The following TEX35 variants were observed in gnomAD, a reference collection of about 807,000 sequenced individuals.
TEX35 encodes the protein testis-expressed protein 35.
In TEX35, 26 loss-of-function variants were observed where a neutral mutation model predicts 31.9. The ratio of observed to expected loss-of-function variants is 0.81; its 90% CI spans 0.60 to 1.13. The LOEUF (loss-of-function observed/expected upper bound fraction) is 1.13, where lower values mean the gene tolerates loss of function less well. Among genes scored for constraint, TEX35 ranks in the 50% most tolerant of loss-of-function variants. TEX35 has a pLI of 0.00. For synonymous variants in TEX35, 87 were observed against 90.7 expected, an observed-to-expected ratio of 0.96 and a Z score of 0.23; for missense variants, 278 against 273.5, an observed-to-expected ratio of 1.02 and a Z score of -0.12.
In TEX35 at chr1:178,514,684, C is replaced by G; in HGVS notation, c.91-16C>G. 6.2e-7 allele frequency: 1 copy of G among 1,613,008 alleles called. No individual in the cohort carries two copies. The highest frequency in any genetic ancestry group is 8.5e-7 in the Non-Finnish European group (1 of 1,179,296). The stretch of plus-strand genomic sequence containing the variant: ...CTGCAATTCCCAAAGGTCTGTGTTC[C>G]TGTTTCAATCCACAGACATTTGATT... On this transcript the variant is annotated splice_polypyrimidine_tract_variant and intron_variant, in intron 2 of 8. Coordinates refer to ENST00000319416, the MANE Select transcript of TEX35 (RefSeq NM_032126.5).
At chr1:178,513,854 T>C (rs1484361584) in intron 1 of TEX35, among the ~76,000 whole-genome samples, 173 bp from the exon 2 acceptor site, 1 of 152,162 alleles carries the variant, frequency 6.6e-6, no homozygotes, top group East Asian at 1.9e-4. Context: ...TGTGATTTGT[T>C]AGGAATCGGA....
downstream of TEX35, chr1:178,522,778 G>A: frequency 2.1e-6 from 1 of 480,144 alleles, no homozygotes; most frequent in Non-Finnish European, 2.8e-6. Context: ...GGAGAATGGG[G>A]TATCCATCCC....
intron 5 of TEX35, 79 bp downstream of exon 5, chr1:178,516,753 C>A: frequency 1.0e-6 from 1 of 957,262 alleles, no homozygotes; most frequent in Non-Finnish European, 1.6e-6. Flanking sequence ...ACCCTGCCCT[C>A]CAGGAGCTTA....
In TEX35 at chr1:178,520,779, A is replaced by G; in HGVS notation, c.448A>G (p.Asn150Asp). The G allele has an allele frequency of 6.2e-7, 1 of 1,614,146 alleles. No homozygotes were observed. Among genetic ancestry groups the G allele is most frequent in the South Asian group, 1.1e-5 (1 of 91,072 alleles). ...GAAAATGGATGGAGCCAGTGGAGTCAATGGAGCACCCTGTGCTCTTCACAA... is the reference window on the plus strand; with the variant it reads ...GAAAATGGATGGAGCCAGTGGAGTCGATGGAGCACCCTGTGCTCTTCACAA... ...PKKMDGASGV[N>D]GAPCALHKKT... The change falls in exon 7 of 9, where the codon AAT (asparagine) becomes GAT (aspartate). Residue 150 changes from asparagine to aspartate, a missense_variant. Asn to Asp is a conservative substitution (Grantham distance 23, BLOSUM62 1). Transcript: ENST00000319416.
At chr1:178,520,604 G>T (rs764922823) in intron 6 of TEX35, 69 bp from the exon 7 acceptor site, 4 of 1,593,294 alleles carry the variant, frequency 2.5e-6, no homozygotes, top group Non-Finnish European at 3.4e-6. Flanking sequence ...CCCGTGTACT[G>T]GTTATCTCCT....
At position 178,514,024 on chromosome 1, in the gene TEX35, C is replaced by T; in HGVS notation, c.40-3C>T. On this transcript the variant is annotated splice_region_variant and splice_polypyrimidine_tract_variant and intron_variant, in intron 1 of 8. Coordinates refer to ENST00000319416, the MANE Select transcript of TEX35 (RefSeq NM_032126.5). Reference sequence around the variant, plus strand: ...CCTGAATCTCAGTCTCCTCTTTTTGCAGAGCAAGAACTACAAGGCAGTTTG... The same window carrying T: ...CCTGAATCTCAGTCTCCTCTTTTTGTAGAGCAAGAACTACAAGGCAGTTTG... The T allele has an allele frequency of 6.2e-7, 1 of 1,612,222 alleles. No individual in the cohort carries two copies. Among genetic ancestry groups the T allele is most frequent in the Non-Finnish European group, 8.5e-7 (1 of 1,179,470 alleles).
At chr1:178,520,901 C>A (rs1335767190) in intron 7 of TEX35, 27 bp downstream of exon 7, 9 of 1,612,476 alleles carry the variant, frequency 5.6e-6, no homozygotes, top group Admixed American at 1.7e-5. Context: ...CCGAGCCCAG[C>A]ACTGGTGCCA....
intron 5 of TEX35, among the ~76,000 whole-genome samples, chr1:178,517,348 T>C (rs1403962037): frequency 6.6e-6 from 1 of 152,216 alleles, no homozygotes; most frequent in Non-Finnish European, 1.5e-5. Context: ...GTGAGAATTT[T>C]AAAACTCCAT....
In TEX35 at chr1:178,520,648, C is replaced by T. The variant is rs902461431; in HGVS notation, c.342-25C>T. 2.5e-6 allele frequency: 4 copies of T among 1,610,554 alleles called. No homozygotes were observed. In the African/African-American group the frequency reaches 5.3e-5, roughly 22 times the overall value. On this transcript the variant is annotated intron_variant, in intron 6 of 8. Transcript: ENST00000319416. Reference sequence around the variant, plus strand: ...TGCAAAATGTCTCCCCAACTCTCTGCCCCTCCCTGGCCCTCCTCCCCCAGT... The same window carrying T: ...TGCAAAATGTCTCCCCAACTCTCTGTCCCTCCCTGGCCCTCCTCCCCCAGT...
intron 8 of TEX35, chr1:178,521,977 C>T (rs1287964382): frequency 3.4e-6 from 3 of 871,328 alleles, no homozygotes; most frequent in African/African-American, 1.7e-5. Flanking sequence ...CAACCACCAC[C>T]TCCCTCCATT....
At chr1:178,521,426 A>G in intron 8 of TEX35, 162 bp downstream of exon 8, 1 of 1,034,516 alleles carries the variant, frequency 9.7e-7, no homozygotes, top group South Asian at 1.3e-5. Flanking sequence ...GTCATACAGG[A>G]TGTGGCACCA....
chr1:178,520,442 T>C lies in TEX35; in HGVS notation c.341+6T>C, dbSNP rs1393691241. 3 of 1,614,078 alleles carry C rather than the reference T, an allele frequency of 1.9e-6. No homozygotes were observed. Among genetic ancestry groups the C allele is most frequent in the African/African-American group, 1.3e-5 (1 of 75,032 alleles). ...ACACAGAAGAACTATAAGCTGTAAG[T>C]GTAACCTGCACTCGTCTCTCCTCAT... is the stretch of plus-strand genomic sequence containing the variant. On this transcript the variant is annotated splice_donor_region_variant and intron_variant, in intron 6 of 8. Transcript: ENST00000319416.
intron 7 of TEX35, 53 bp downstream of exon 7, chr1:178,520,927 C>T: frequency 6.2e-7 from 1 of 1,604,662 alleles, no homozygotes; most frequent in Non-Finnish European, 8.5e-7. Flanking sequence ...CTGGCTCCGG[C>T]TCCCTGGTGA....
chr1:178,514,102 C>T (rs779889521), intron 2 of TEX35, 25 bp downstream of exon 2: 5 of 1,614,030 alleles, frequency 3.1e-6, no homozygotes, highest in Middle Eastern at 1.6e-4. Context: ...TGAGGCCATG[C>T]AGGCAGCCAG....
At position 178,522,424 on chromosome 1, in the gene TEX35, A is replaced by AGACTGAGGGAAGGT. The variant is rs1650320659; in HGVS notation, c.689_702dup. The AGACTGAGGGAAGGT allele has an allele frequency of 1.2e-6, 2 of 1,600,086 alleles. No homozygotes were observed. Among genetic ancestry groups the AGACTGAGGGAAGGT allele is most frequent in the Non-Finnish European group, 1.7e-6 (2 of 1,172,298 alleles). On this transcript the variant is annotated frameshift_variant, in exon 9 of 9. Coordinates refer to ENST00000319416, the MANE Select transcript of TEX35 (RefSeq NM_032126.5). LOFTEE classifies it high-confidence loss of function. ...CACGCTGTGCCTGCCCCAAAGTCCC[A>AGACTGAGGGAAGGT]GACTGAGGGAAGGTGAAGCTTAACT...
intron 2 of TEX35, 108 bp from the exon 3 acceptor site, chr1:178,514,592 C>A: frequency 9.1e-7 from 1 of 1,098,458 alleles, no homozygotes; most frequent in Non-Finnish European, 1.3e-6. Context: ...TTTCCTCTTG[C>A]CTTAGCCCTA....
chr1:178,523,500 T>C (rs7527363), downstream of TEX35: 241,877 of 443,292 alleles, frequency 0.55, 67,476 homozygotes, highest in African/African-American at 0.69. Flanking sequence ...TTCAGATAAA[T>C]ATTTAAAAAA....
At chr1:178,520,937 A>T in intron 7 of TEX35, 63 bp downstream of exon 7, 1 of 1,598,270 alleles carries the variant, frequency 6.3e-7, no homozygotes, top group African/African-American at 1.3e-5. Flanking sequence ...CTCCCTGGTG[A>T]CTTCCCCGAG....
intron 5 of TEX35, among the ~76,000 whole-genome samples, chr1:178,518,492 A>G (rs924161636): frequency 1.1e-4 from 17 of 152,186 alleles, no homozygotes; most frequent in African/African-American, 4.1e-4. Flanking sequence ...CAAATAAATT[A>G]TGAAATACTT....
Sources: allele counts gnomAD v4.1 joint callset (sites outside exome capture counted in the v4.1 genomes callset), GRCh38; gene constraint gnomAD v4.1.1; transcripts MANE v1.5; gene names NCBI Gene and HGNC (gene_info 2026-07-23, HGNC 2026-07-21).